The following TP53BP2 variants were observed in gnomAD, a reference collection of about 807,000 sequenced individuals.
The protein encoded by TP53BP2 is apoptosis-stimulating of p53 protein 2.
TP53BP2 carries 62 observed loss-of-function variants against 126.2 expected under a neutral mutation model. The ratio of observed to expected loss-of-function variants is 0.49; its 90% CI spans 0.40 to 0.61. The LOEUF is 0.61. Ranked by LOEUF, TP53BP2 falls within the 20% of genes least tolerant of loss-of-function variation. The probability of loss-of-function intolerance (pLI) is 0.00; values close to 1 mark genes in which losing one functional copy is unlikely to be tolerated. For missense variants in TP53BP2, 1,215 were observed against 1,402.8 expected (o/e 0.87, Z 2.14); for synonymous variants, 485 against 502.9 (o/e 0.96, Z 0.48).
At chr1:223,814,497 G>T in intron 2 of TP53BP2, 144 bp from the exon 3 acceptor site, 1 of 626,140 alleles carries the variant, frequency 1.6e-6, no homozygotes, top group Non-Finnish European at 2.8e-6. Context: ...ATTAAAACAC[G>T]TCTTAGAAAC....
intron 1 of TP53BP2, among the ~76,000 whole-genome samples, chr1:223,833,818 AAC>A (rs1663824951): frequency 1.3e-5 from 2 of 152,226 alleles, no homozygotes; most frequent in African/African-American, 4.8e-5. Context: ...AAGCAAAAGG[AAC>A]ACAGTGATGA....
At chr1:223,845,366 T>C (rs1186841057) in intron 1 of TP53BP2, 1 of 622,556 alleles carries the variant, frequency 1.6e-6, no homozygotes, top group Non-Finnish European at 2.0e-6. Flanking sequence ...GACGAAAAGT[T>C]TGAGTGGCTG....
chr1:223,832,262 G>A (rs1311646669), intron 1 of TP53BP2, among the ~76,000 whole-genome samples: 1 of 152,106 alleles, frequency 6.6e-6, no homozygotes, highest in Admixed American at 6.5e-5. Context: ...CTAAGAGGAA[G>A]AAACAGAAAA....
At chr1:223,842,757 C>T (rs994654495) in intron 1 of TP53BP2, among the ~76,000 whole-genome samples, 3 of 152,154 alleles carry the variant, frequency 2.0e-5, no homozygotes, top group African/African-American at 4.8e-5. Flanking sequence ...AATTTTCAAA[C>T]GACTAAGAAT....
At position 223,802,749 on chromosome 1, in the gene TP53BP2, C is replaced by T; in HGVS notation, c.978G>A (p.Gln326=). 1 of 1,613,962 alleles carries T rather than the reference C, an allele frequency of 6.2e-7. No individual in the cohort carries two copies. Among genetic ancestry groups the T allele is most frequent in the Non-Finnish European group, 8.5e-7 (1 of 1,179,958 alleles). ...DRLWKKKAAL[Q]QKENLPVSSD... ...CACTTACTGGTAGATTTTCTTTTTG[C>T]TGTAGAGCTGCCTTCTTCTTCCACA... is the stretch of plus-strand genomic sequence containing the variant. The change falls in exon 8 of 18, where the codon CAG becomes CAA. Residue 326 remains glutamine, a synonymous_variant. Coordinates refer to ENST00000343537, the MANE Select transcript of TP53BP2 (RefSeq NM_001031685.3).
chr1:223,794,839 C>T (rs1662264043), intron 13 of TP53BP2, among the ~76,000 whole-genome samples: 1 of 152,042 alleles, frequency 6.6e-6, no homozygotes, highest in African/African-American at 2.4e-5. Flanking sequence ...TTTACTGTAA[C>T]CAATTGTTAA....
intron 2 of TP53BP2, among the ~76,000 whole-genome samples, chr1:223,815,073 C>T (rs1244285086): frequency 6.6e-6 from 1 of 152,146 alleles, no homozygotes; most frequent in Non-Finnish European, 1.5e-5. Flanking sequence ...ACGAGACACA[C>T]TGTTTGAGGA....
In TP53BP2 at chr1:223,798,466, G is replaced by A. The variant is rs1267958860; in HGVS notation, c.1697C>T (p.Pro566Leu). ...QPRVLLSPSI[P>L]SVGQDQTLSP... ...AAGGGTCTGGTCTTGGCCAACCGAAGGTATGCTGGGAGATAGCAGCACTCT... is the reference window on the plus strand; with the variant it reads ...AAGGGTCTGGTCTTGGCCAACCGAAAGTATGCTGGGAGATAGCAGCACTCT... The change falls in exon 12 of 18, where the codon CCT (proline) becomes CTT (leucine). Residue 566 changes from proline (P) to leucine (L), a missense_variant. Pro to Leu is a moderately conservative substitution (Grantham distance 98). This residue lies in a region of TP53BP2 where 814 missense variants were observed against 853.0 expected (regional missense o/e 0.95). Coordinates refer to ENST00000343537, the MANE Select transcript of TP53BP2 (RefSeq NM_001031685.3). 6.2e-7 allele frequency: 1 copy of A among 1,614,060 alleles called. No individual in the cohort carries two copies. Among genetic ancestry groups the A allele is most frequent in the Admixed American group, 1.7e-5 (1 of 59,998 alleles).
At chr1:223,785,447 A>C (rs1274567475) in intron 16 of TP53BP2, among the ~76,000 whole-genome samples, 1 of 152,262 alleles carries the variant, frequency 6.6e-6, no homozygotes, top group East Asian at 1.9e-4. Flanking sequence ...ATCAAACTTT[A>C]TATAACTGTA....
rs61749337 is a variant in TP53BP2, at chr1:223,804,257, G to A, written c.566C>T (p.Ala189Val). ...QEKLKRLKEI[A>V]ENQEAKLKKV... Reference sequence around the variant, plus strand: ...TTTTAGCTTAGCTTCCTGATTCTCAGCTATTTCTTTTAGCCTTTTAAGTTT... The same window carrying A: ...TTTTAGCTTAGCTTCCTGATTCTCAACTATTTCTTTTAGCCTTTTAAGTTT... The change falls in exon 6 of 18, where the codon GCT (alanine) becomes GTT (valine). Residue 189 changes from alanine (A) to valine (V), a missense_variant. Physicochemically the swap from Ala to Val is moderately conservative, Grantham distance 64. Coordinates refer to ENST00000343537, the MANE Select transcript of TP53BP2 (RefSeq NM_001031685.3). 19,018 of 1,614,044 alleles carry A rather than the reference G, an allele frequency of 0.012. 156 individuals are homozygous for A. Among genetic ancestry groups the A allele is most frequent in the Non-Finnish European group, 0.014 (16,560 of 1,179,984 alleles).
At chr1:223,803,124 T>C in intron 7 of TP53BP2, 147 bp downstream of exon 7, 2 of 1,050,376 alleles carry the variant, frequency 1.9e-6, no homozygotes, top group Non-Finnish European at 2.8e-6. Context: ...AAGTTTACTC[T>C]GGATTCTCTG....
rs139221108 is a variant in TP53BP2 at position 223,803,265 on chromosome 1, G to T, written c.831+6C>A. ...GTACAGCTTTTGGCAAACAGCTACG[G>T]TCTACCTGCAGCTCCTTATAGAGGC... On this transcript the variant is annotated splice_donor_region_variant and intron_variant, in intron 7 of 17. Coordinates refer to ENST00000343537, the MANE Select transcript of TP53BP2 (RefSeq NM_001031685.3). The T allele has an allele frequency of 1.3e-4, 214 of 1,604,598 alleles. No individual in the cohort carries two copies. In the African/African-American group the frequency reaches 2.6e-3, roughly 19 times the overall value.
intron 1 of TP53BP2, among the ~76,000 whole-genome samples, chr1:223,829,119 G>C (rs1663607015): frequency 6.6e-6 from 1 of 152,062 alleles, no homozygotes; most frequent in Non-Finnish European, 1.5e-5. Context: ...TTGAGCCCAG[G>C]AATTTGAGAG....
At chr1:223,804,780 T>A (rs1376951779) in intron 5 of TP53BP2, among the ~76,000 whole-genome samples, 1 of 152,182 alleles carries the variant, frequency 6.6e-6, no homozygotes, top group Non-Finnish European at 1.5e-5. Flanking sequence ...CTGAACAAAT[T>A]GCATAACCTC....
At position 223,780,735 on chromosome 1, in the gene TP53BP2, C is replaced by T. The variant is rs1479552842; in HGVS notation, c.*118G>A. 7.6e-6 allele frequency: 7 copies of T among 918,290 alleles called. No individual in the cohort carries two copies. Among genetic ancestry groups the T allele is most frequent in the Non-Finnish European group, 1.0e-5 (6 of 594,470 alleles). 56.9% of individuals were successfully genotyped at this position (918,290 alleles called of 1,614,324 possible). On this transcript the variant is annotated 3_prime_UTR_variant, in exon 18 of 18. Coordinates refer to ENST00000343537, the MANE Select transcript of TP53BP2 (RefSeq NM_001031685.3). Reference sequence around the variant, plus strand: ...ATTCTCTTCTAGAGACATTCTTCATCGCTTTCAAGCTACATTGTCATTAAA... The same window carrying T: ...ATTCTCTTCTAGAGACATTCTTCATTGCTTTCAAGCTACATTGTCATTAAA...
chr1:223,817,710 G>C (rs1350750899), intron 2 of TP53BP2, among the ~76,000 whole-genome samples: 1 of 152,030 alleles, frequency 6.6e-6, no homozygotes, highest in Non-Finnish European at 1.5e-5. Context: ...CGGATCACTT[G>C]AGGTCAGGAG....
rs921646409 is a variant in TP53BP2 at position 223,845,030 on chromosome 1, G to T, written c.27+624C>A. ...CTGGTGGCCGTGTCAAAAGCCTGCG[G>T]AGCTCCTAAAGAAGGCACTAATCCT... On this transcript the variant is annotated intron_variant, in intron 1 of 17. Coordinates refer to ENST00000343537, the MANE Select transcript of TP53BP2 (RefSeq NM_001031685.3). 5.9e-5 allele frequency among the ~76,000 whole-genome samples: 9 copies of T among 152,214 alleles called. No homozygotes were observed. In the East Asian group the frequency reaches 1.7e-3, roughly 29 times the overall value.
chr1:223,845,340 T>C, intron 1 of TP53BP2: 1 of 819,122 alleles, frequency 1.2e-6, no homozygotes, highest in African/African-American at 1.9e-5. Flanking sequence ...TGCAAAAAAG[T>C]CAAGACCCAG....
In TP53BP2 at chr1:223,845,573, G is replaced by A. The variant is rs1170651388; in HGVS notation, c.27+81C>T. On this transcript the variant is annotated intron_variant, in intron 1 of 17. Coordinates refer to ENST00000343537, the MANE Select transcript of TP53BP2 (RefSeq NM_001031685.3). ...GCGGCCCCCAGGCTCCTTCCCCGAC[G>A]CGCCCGAGGGCGCGGACCAGCCCCC... 19 of 1,400,458 alleles carry A rather than the reference G, an allele frequency of 1.4e-5. No individual in the cohort carries two copies. The Admixed American group carries it at 5.2e-4, about 39-fold the overall frequency. The allele number at this position is 1,400,458 out of a possible 1,614,324, so 86.8% of individuals were successfully genotyped here.
Sources: allele counts gnomAD v4.1 joint callset (sites outside exome capture counted in the v4.1 genomes callset), GRCh38; gene constraint gnomAD v4.1.1; regional missense constraint gnomAD v4.1.1; transcripts MANE v1.5; gene names NCBI Gene and HGNC (gene_info 2026-07-23, HGNC 2026-07-21).